Variants in PBRM1 observed in about 807,000 individuals in gnomAD.
PBRM1 encodes polybromo 1.
Under a neutral mutation model 194.5 loss-of-function variants are expected in PBRM1, and 27 were observed. That is an observed-to-expected ratio of 0.14 (90% CI 0.10 to 0.19). PBRM1 has a LOEUF of 0.19. PBRM1 is among the 10% of genes least tolerant of loss of function. PBRM1 has a pLI of 1.00. For synonymous variants in PBRM1, 655 were observed against 693.2 expected, an observed-to-expected ratio of 0.94 and a Z score of 0.87; for missense variants, 1,466 against 2,077.2, an observed-to-expected ratio of 0.71 and a Z score of 5.72.
rs1553726607 is a variant in PBRM1, at chr3:52,575,694, T to TAA, written c.3691+846_3691+847insTT. Reference sequence around the variant, plus strand: ...ATAATTTTTTTTTTTTTTTTTTTTTTAGCAGAGACAAGGTTTCACTATGTT... The same window carrying TAA: ...ATAATTTTTTTTTTTTTTTTTTTTTTAAAGCAGAGACAAGGTTTCACTATGTT... On this transcript the variant is annotated intron_variant, in intron 22 of 29. Coordinates refer to ENST00000296302, the Ensembl canonical transcript of PBRM1. 1.0e-3 allele frequency among the ~76,000 whole-genome samples: 144 copies of TAA among 144,526 alleles called. 1 individual carries two copies. The Middle Eastern group carries it at 0.01, about 11-fold the overall frequency. 94.8% of individuals were successfully genotyped at this position (144,526 alleles called of 152,430 possible).
chr3:52,636,828 CTGCCT>C (rs981307616), intron 10 of PBRM1, among the ~76,000 whole-genome samples: 4 of 138,456 alleles, frequency 2.9e-5, no homozygotes, highest in African/African-American at 1.1e-4. Context: ...ACTTGTAATC[CTGCCT>C]GGGCGACAGA....
chr3:52,589,159 T>C (rs372395774), exon 18 of PBRM1: 90 of 1,612,422 alleles, frequency 5.6e-5, no homozygotes, highest in Non-Finnish European at 7.3e-5. Context: ...ATCTCCAACA[T>C]GGTACATGCT....
chr3:52,668,783 T>TAAAAAAAAAAAAAAA, intron 2 of PBRM1, 138 bp from the exon 4 acceptor site: 1 of 204,934 alleles, frequency 4.9e-6, no homozygotes. Flanking sequence ...GAAGCTTACT[T>TAAAAAAAAAAAAAAA]AAAAAAAAAA....
intron 16 of PBRM1, among the ~76,000 whole-genome samples, chr3:52,607,386 C>A (rs2094402349): frequency 2.0e-5 from 3 of 152,122 alleles, no homozygotes; most frequent in African/African-American, 7.2e-5. Flanking sequence ...TAAAAATACA[C>A]CTTGGACTCT....
chr3:52,573,582 A>T (rs1003326093), intron 22 of PBRM1, among the ~76,000 whole-genome samples: 8 of 152,234 alleles, frequency 5.3e-5, no homozygotes, highest in African/African-American at 1.4e-4. Flanking sequence ...GGCATGAGCC[A>T]CCATGCCCGG....
At chr3:52,617,195 T>G in intron 14 of PBRM1, 67 bp downstream of exon 16, 1 of 1,292,618 alleles carries the variant, frequency 7.7e-7, no homozygotes, top group Non-Finnish European at 1.1e-6. Context: ...TCTCTCAAAA[T>G]GCATTATTCT....
At chr3:52,610,454 C>T (rs2153430616) in intron 15 of PBRM1, among the ~76,000 whole-genome samples, 1 of 152,306 alleles carries the variant, frequency 6.6e-6, no homozygotes. Flanking sequence ...ACCTCAGTAG[C>T]AGTATAGCCC....
intron 17 of PBRM1, 71 bp downstream of exon 19, chr3:52,603,450 C>G (rs2094141504): frequency 2.0e-6 from 3 of 1,493,270 alleles, no homozygotes; most frequent in Non-Finnish European, 2.7e-6. Context: ...GACTCTTTTC[C>G]ACAGCTAATT....
chr3:52,649,254 G>A (rs763910721), intron 6 of PBRM1, among the ~76,000 whole-genome samples: 2 of 152,146 alleles, frequency 1.3e-5, no homozygotes, highest in Non-Finnish European at 2.9e-5. Flanking sequence ...GCATCGGGAG[G>A]GCTCTACCTC....
chr3:52,568,259 G>T (rs967532382), intron 22 of PBRM1, among the ~76,000 whole-genome samples: 3 of 151,960 alleles, frequency 2.0e-5, no homozygotes, highest in African/African-American at 4.8e-5. Flanking sequence ...CATTACAGGT[G>T]TGAGTCATCA....
At chr3:52,564,829 A>G (rs2084638275) in intron 22 of PBRM1, among the ~76,000 whole-genome samples, 1 of 152,156 alleles carries the variant, frequency 6.6e-6, no homozygotes, top group Non-Finnish European at 1.5e-5. Flanking sequence ...TTTTCAACAG[A>G]TGGTACGGTA....
intron 22 of PBRM1, among the ~76,000 whole-genome samples, chr3:52,565,185 C>T (rs1000618298): frequency 2.7e-5 from 4 of 150,276 alleles, no homozygotes; most frequent in Non-Finnish European, 5.9e-5. Flanking sequence ...AGCGAAAGAG[C>T]GAGACTCCGT....
chr3:52,680,563 AG>A (rs1207648058), upstream of PBRM1, among the ~76,000 whole-genome samples: 7 of 152,362 alleles, frequency 4.6e-5, no homozygotes, highest in Admixed American at 1.3e-4. Flanking sequence ...TGCTACAGAT[AG>A]TATATACCCA....
chr3:52,547,660 G>T (rs1012178838), downstream of PBRM1: 28 of 232,072 alleles, frequency 1.2e-4, no homozygotes, highest in East Asian at 9.2e-4. Flanking sequence ...GTGTGTGTGT[G>T]TTTTTTTTCA....
intron 2 of PBRM1, among the ~76,000 whole-genome samples, chr3:52,674,075 T>G (rs1292534248): frequency 1.3e-5 from 2 of 151,000 alleles, no homozygotes; most frequent in Admixed American, 1.3e-4. Context: ...TATATAGATA[T>G]ATATATAGAA....
chr3:52,608,461 G>T (rs2094457729), intron 16 of PBRM1, among the ~76,000 whole-genome samples: 1 of 151,946 alleles, frequency 6.6e-6, no homozygotes, highest in Admixed American at 6.6e-5. Context: ...ATGTTACTAT[G>T]TTTTTTTTCT....
intron 15 of PBRM1, among the ~76,000 whole-genome samples, chr3:52,610,160 T>TAACCCTA: frequency 6.6e-6 from 1 of 152,336 alleles, no homozygotes; most frequent in Admixed American, 6.5e-5. Flanking sequence ...GATGGGAGAC[T>TAACCCTA]ACTGTAAGGT....
At chr3:52,664,707 C>G (rs1028826383) in intron 3 of PBRM1, among the ~76,000 whole-genome samples, 1 of 151,154 alleles carries the variant, frequency 6.6e-6, no homozygotes, top group African/African-American at 2.4e-5. Flanking sequence ...GCACTCCAGC[C>G]TGGGCATCAG....
intron 27 of PBRM1, among the ~76,000 whole-genome samples, chr3:52,553,663 C>CTTT (rs71084188): frequency 2.3e-4 from 28 of 119,410 alleles, no homozygotes; most frequent in Non-Finnish European, 3.6e-4. Flanking sequence ...CTAATTTTTC[C>CTTT]TTTTTTTTTT....
Sources: gnomAD v4.1 joint callset for allele counts (sites outside exome capture counted in the v4.1 genomes callset) on GRCh38, gnomAD v4.1.1 for gene constraint, MANE v1.5 for transcripts, NCBI Gene and HGNC (gene_info 2026-07-23, HGNC 2026-07-21) for gene names.